ABAT: variants seen among roughly 807,000 people sequenced by gnomAD.
ABAT encodes 4-aminobutyrate aminotransferase, mitochondrial.
In ABAT, 45 loss-of-function variants were observed where a neutral mutation model predicts 64.6. That is an observed-to-expected ratio of 0.70 (90% CI 0.55 to 0.89). The LOEUF (loss-of-function observed/expected upper bound fraction) is 0.89. ABAT is among the 40% of genes least tolerant of loss of function. The probability of loss-of-function intolerance (pLI) is 0.00; values close to 1 mark genes in which losing one functional copy is unlikely to be tolerated. For missense variants in ABAT, 633 were observed against 658.4 expected (o/e 0.96, Z 0.42); for synonymous variants, 297 against 250.5 (o/e 1.19, Z -1.75).
chr16:8,711,124 G>A (rs759075165), intron 1 of ABAT, among the ~76,000 whole-genome samples: 2 of 152,124 alleles, frequency 1.3e-5, no homozygotes, highest in Non-Finnish European at 2.9e-5. Context: ...AATGGTTTGC[G>A]CATTTACAAT....
Position 8,692,075 on chromosome 16 carries a change from C to T in ABAT, c.-42+17364C>T, listed in dbSNP as rs115488792. On this transcript the variant is annotated intron_variant, in intron 1 of 15. Coordinates refer to ENST00000268251, the MANE Select transcript of ABAT (RefSeq NM_020686.6). ...CAGTAGAGTGGCAGGACCTGGGTTCCATGTTAGAGTCAGTAAAACGTGGGC... is the reference window on the plus strand; with the variant it reads ...CAGTAGAGTGGCAGGACCTGGGTTCTATGTTAGAGTCAGTAAAACGTGGGC... 6.4e-3 allele frequency among the ~76,000 whole-genome samples: 980 copies of T among 152,222 alleles called. 6 individuals are homozygous for T. The highest frequency in any genetic ancestry group is 0.022 in the African/African-American group (932 of 41,522).
chr16:8,763,943 A>G, intron 6 of ABAT, 126 bp from the exon 7 acceptor site: 1 of 798,556 alleles, frequency 1.3e-6, no homozygotes, highest in East Asian at 2.5e-5. Flanking sequence ...ACGCTGACAG[A>G]ACGTCATCAT....
At chr16:8,706,883 T>C (rs2057957348) in intron 1 of ABAT, among the ~76,000 whole-genome samples, 1 of 152,182 alleles carries the variant, frequency 6.6e-6, no homozygotes. Flanking sequence ...GAGTGATTCC[T>C]AGGTTTTGGC....
At chr16:8,740,154 G>A (rs553202323) in intron 2 of ABAT, among the ~76,000 whole-genome samples, 17 of 152,218 alleles carry the variant, frequency 1.1e-4, no homozygotes, top group African/African-American at 3.6e-4. Flanking sequence ...GCTGATGAGC[G>A]GCTGAGCCAG....
chr16:8,743,648 A>AT (rs1016426223), intron 2 of ABAT, among the ~76,000 whole-genome samples: 1 of 6,458 alleles, frequency 1.5e-4, no homozygotes, highest in African/African-American at 4.4e-4. Context: ...TATAATATAT[A>AT]ATATATATTT....
chr16:8,709,136 A>G (rs1275191859), intron 1 of ABAT, among the ~76,000 whole-genome samples: 1 of 152,176 alleles, frequency 6.6e-6, no homozygotes, highest in Non-Finnish European at 1.5e-5. Context: ...ATGCTAATTT[A>G]TTACCTGTTG....
At chr16:8,733,735 C>G (rs2058828492) in intron 1 of ABAT, among the ~76,000 whole-genome samples, 1 of 151,750 alleles carries the variant, frequency 6.6e-6, no homozygotes, top group African/African-American at 2.4e-5. Flanking sequence ...GCAGGAGAAT[C>G]AGGCAGGGAG....
intron 1 of ABAT, among the ~76,000 whole-genome samples, chr16:8,704,813 A>G (rs1276836095): frequency 6.6e-6 from 1 of 152,064 alleles, no homozygotes; most frequent in Non-Finnish European, 1.5e-5. Context: ...GGTCATTTAC[A>G]TTGTTTTCAA....
At chr16:8,749,682 C>T (rs2059425391) in intron 4 of ABAT, among the ~76,000 whole-genome samples, 1 of 152,006 alleles carries the variant, frequency 6.6e-6, no homozygotes, top group African/African-American at 2.4e-5. Context: ...AGGCGTGAGC[C>T]ACTGCACCCA....
rs916708575 is a variant in ABAT at position 8,754,217 on chromosome 16, T to G, written c.317-3540T>G. Among the ~76,000 whole-genome samples the G allele has an allele frequency of 1.6e-4, 18 of 113,942 alleles. 2 individuals carry two copies. The highest frequency in any genetic ancestry group is 5.7e-4 in the African/African-American group (18 of 31,344). 74.8% of individuals were successfully genotyped at this position (113,942 alleles called of 152,430 possible). ...AAAAAAAAAAAAAATTAGCCGGGCATGGTGGTGCATACCTGTAATCCCAGC... is the reference window on the plus strand; with the variant it reads ...AAAAAAAAAAAAAATTAGCCGGGCAGGGTGGTGCATACCTGTAATCCCAGC... On this transcript the variant is annotated intron_variant, in intron 5 of 15. Transcript: ENST00000268251.
chr16:8,746,058 G>T lies in ABAT; in HGVS notation c.128G>T (p.Gly43Val). Reference sequence around the variant, plus strand: ...GTCGACGTTGAATTTGATTATGATGGGCCTCTGATGAAGACGGAAGTCCCA... The same window carrying T: ...GTCGACGTTGAATTTGATTATGATGTGCCTCTGATGAAGACGGAAGTCCCA... Reference protein sequence around the residue: ...AKVDVEFDYDGPLMKTEVPGP... With the variant: ...AKVDVEFDYDVPLMKTEVPGP... Residue 43 changes from glycine to valine, a missense_variant, in exon 3 of 16, where the codon GGG becomes GTG. Physicochemically the swap from Gly to Val is moderately radical, Grantham distance 109. Transcript: ENST00000268251. 1.9e-6 allele frequency: 3 copies of T among 1,613,870 alleles called. No individual in the cohort carries two copies. The highest frequency in any genetic ancestry group is 2.5e-6 in the Non-Finnish European group (3 of 1,179,986).
intron 1 of ABAT, among the ~76,000 whole-genome samples, chr16:8,686,192 G>A (rs1470048827): frequency 6.6e-6 from 1 of 152,220 alleles, no homozygotes; most frequent in Non-Finnish European, 1.5e-5. Context: ...TGCTGGCTTC[G>A]CAGGCTGAGC....
chr16:8,714,461 C>G (rs377282379), intron 1 of ABAT: 6 of 152,556 alleles, frequency 3.9e-5, no homozygotes, highest in African/African-American at 1.2e-4. Flanking sequence ...TCAGGAAGCT[C>G]TGGACAGCCG....
chr16:8,735,590 A>T, intron 1 of ABAT, 109 bp from the exon 2 acceptor site: 1 of 934,948 alleles, frequency 1.1e-6, no homozygotes, highest in Non-Finnish European at 1.7e-6. Flanking sequence ...AGCATTTGAC[A>T]ATGTCAGAAG....
intron 6 of ABAT, 59 bp downstream of exon 6, chr16:8,757,865 C>T: frequency 6.5e-7 from 1 of 1,548,390 alleles, no homozygotes; most frequent in Non-Finnish European, 8.9e-7. Flanking sequence ...TTCACAGAAT[C>T]ACTGGGCAGA....
chr16:8,757,139 G>A, intron 5 of ABAT: 1 of 454,926 alleles, frequency 2.2e-6, no homozygotes, highest in Non-Finnish European at 4.4e-6. Context: ...GCCAGCCCCA[G>A]GCTTGAAATT....
intron 5 of ABAT, 123 bp downstream of exon 5, chr16:8,750,662 C>T (rs1596454561): frequency 5.8e-6 from 5 of 866,304 alleles, no homozygotes; most frequent in Non-Finnish European, 9.9e-6. Flanking sequence ...TGACACTTCA[C>T]CCAAGGGTAG....
At chr16:8,738,623 T>TTTTG (rs1316953062) in intron 2 of ABAT, among the ~76,000 whole-genome samples, 32 of 114,142 alleles carry the variant, frequency 2.8e-4, no homozygotes, top group Admixed American at 7.3e-4. Context: ...TTTGTTTTTG[T>TTTTG]TTTTGTTTTT....
chr16:8,769,745 C>T (rs911476254), intron 11 of ABAT, among the ~76,000 whole-genome samples: 1 of 152,130 alleles, frequency 6.6e-6, no homozygotes, highest in Admixed American at 6.6e-5. Flanking sequence ...CCCCCTACCC[C>T]CCGTTTCCAC....
Sources: allele counts gnomAD v4.1 joint callset (sites outside exome capture counted in the v4.1 genomes callset), GRCh38; gene constraint gnomAD v4.1.1; transcripts MANE v1.5; gene names NCBI Gene and HGNC (gene_info 2026-07-23, HGNC 2026-07-21).